Variants in GLDC observed in about 807,000 individuals in gnomAD.
GLDC encodes glycine dehydrogenase (decarboxylating), mitochondrial.
Under a neutral mutation model 121.3 loss-of-function variants are expected in GLDC, and 104 were observed. The ratio of observed to expected loss-of-function variants is 0.86; its 90% confidence interval spans 0.73 to 1.01. The LOEUF is 1.01. Ranked by LOEUF, GLDC falls within the 50% of genes least tolerant of loss-of-function variation. The probability of loss-of-function intolerance (pLI) is 0.00; values close to 1 mark genes in which losing one functional copy is unlikely to be tolerated. For synonymous variants in GLDC, 546 were observed against 480.6 expected (o/e 1.14, Z -1.78); for missense variants, 1,429 against 1,306.6 (o/e 1.09, Z -1.44).
rs1817622928 is a variant in GLDC at position 6,556,052 on chromosome 9, T to C, written c.2202+101A>G. 5.2e-6 allele frequency: 5 copies of C among 957,538 alleles called. No individual in the cohort carries two copies. The Admixed American group carries it at 8.2e-5, about 16-fold the overall frequency. The allele number at this position is 957,538 out of a possible 1,614,324, so 59.3% of individuals were successfully genotyped here. On this transcript the variant is annotated intron_variant, in intron 18 of 24. Transcript: ENST00000321612. ...CCAGTGGTCAGGTCGTGGGTCTGAG[T>C]TCCCTCAGGCAGGAAGCCTCTCAAG...
At chr9:6,644,135 C>T (rs1229017976) in intron 2 of GLDC, among the ~76,000 whole-genome samples, 1 of 148,070 alleles carries the variant, frequency 6.8e-6, no homozygotes, top group African/African-American at 2.5e-5. Flanking sequence ...AAAATTTGGA[C>T]GTGAGGTAAG....
intron 2 of GLDC, among the ~76,000 whole-genome samples, chr9:6,631,709 T>C (rs543395929): frequency 1.3e-5 from 2 of 152,328 alleles, no homozygotes; most frequent in African/African-American, 4.8e-5. Flanking sequence ...AAGGGAAGAC[T>C]GTGTCCTAAG....
chr9:6,548,445 G>T (rs1459566716), intron 21 of GLDC, among the ~76,000 whole-genome samples: 1 of 152,132 alleles, frequency 6.6e-6, no homozygotes, highest in Admixed American at 6.6e-5. Flanking sequence ...ATTTTATTGT[G>T]CTGCTTAGAG....
chr9:6,591,299 C>G (rs1335884018), intron 11 of GLDC, among the ~76,000 whole-genome samples: 1 of 152,182 alleles, frequency 6.6e-6, no homozygotes, highest in Non-Finnish European at 1.5e-5. Context: ...ATAACTCCTG[C>G]TTATCTTCTT....
chr9:6,628,221 C>T (rs1429538475), intron 2 of GLDC, among the ~76,000 whole-genome samples: 1 of 152,174 alleles, frequency 6.6e-6, no homozygotes, highest in Non-Finnish European at 1.5e-5. Flanking sequence ...CCTTCAATCC[C>T]AAAGTGGCAG....
intron 2 of GLDC, among the ~76,000 whole-genome samples, chr9:6,634,951 C>T (rs1028029734): frequency 1.1e-4 from 16 of 152,188 alleles, no homozygotes; most frequent in Non-Finnish European, 2.4e-4. Flanking sequence ...GAAAATAAAT[C>T]CCTTTTGGCT....
At position 6,629,933 on chromosome 9, in the gene GLDC, A is replaced by ATATATATATGTATATATATATG. The variant is rs1563870140; in HGVS notation, c.335-9615_335-9614insCATATATATATACATATATATA. On this transcript the variant is annotated intron_variant, in intron 2 of 24. Coordinates refer to ENST00000321612, the MANE Select transcript of GLDC (RefSeq NM_000170.3). ...GGGAGGGAGGCTTGCTTTTCACTAT[A>ATATATATATGTATATATATATG]TATATATATATGTATATATATATAT... Among the ~76,000 whole-genome samples, 43 of 88,628 alleles carry ATATATATATGTATATATATATG rather than the reference A, an allele frequency of 4.9e-4. 1 individual carries two copies. The highest frequency in any genetic ancestry group is 3.1e-3 in the African/African-American group (40 of 12,810). 58.1% of individuals were successfully genotyped at this position (88,628 alleles called of 152,430 possible). A position where few individuals can be genotyped will look rare whatever the true frequency, so the allele number is the denominator to read the frequency against.
chr9:6,611,561 A>G (rs1818858477), intron 3 of GLDC, among the ~76,000 whole-genome samples: 1 of 152,088 alleles, frequency 6.6e-6, no homozygotes, highest in African/African-American at 2.4e-5. Context: ...GTCTCAAAAA[A>G]AAAAAAAAAA....
chr9:6,614,286 G>C (rs1024191973), intron 3 of GLDC, among the ~76,000 whole-genome samples: 1 of 152,296 alleles, frequency 6.6e-6, no homozygotes, highest in East Asian at 1.9e-4. Context: ...ACAGACTGGA[G>C]TGCAGTGGCC....
intron 6 of GLDC, 94 bp from the exon 7 acceptor site, chr9:6,604,878 CAG>C (rs1005592846): frequency 7.4e-6 from 8 of 1,075,304 alleles, no homozygotes; most frequent in Admixed American, 3.5e-5. Context: ...GGAAGACGGG[CAG>C]AGTGTGTTCA....
intron 2 of GLDC, chr9:6,622,934 A>T (rs1184512665): frequency 2.6e-5 from 5 of 192,944 alleles, no homozygotes; most frequent in Admixed American, 6.0e-5. Flanking sequence ...CCTGGCCGCG[A>T]CCCCGTCTGG....
chr9:6,565,322 G>A (rs1412710667), intron 16 of GLDC, 32 bp downstream of exon 16: 1 of 1,509,922 alleles, frequency 6.6e-7, no homozygotes, highest in East Asian at 2.3e-5. Context: ...TGTGCCCCAT[G>A]GTGAGCAAGC....
At chr9:6,561,680 A>G (rs140039487) in intron 16 of GLDC, among the ~76,000 whole-genome samples, 101 of 152,278 alleles carry the variant, frequency 6.6e-4, no homozygotes, top group East Asian at 3.9e-3. Context: ...TGTGAGGGAT[A>G]TGGAAGTAAC....
chr9:6,620,413 G>A (rs1819067596), intron 2 of GLDC, 94 bp from the exon 3 acceptor site: 3 of 1,071,898 alleles, frequency 2.8e-6, no homozygotes, highest in Non-Finnish European at 4.3e-6. Flanking sequence ...GAGTATTTAT[G>A]ACAGAATAAC....
chr9:6,533,507 T>C (rs538684238), intron 24 of GLDC, among the ~76,000 whole-genome samples: 1 of 152,312 alleles, frequency 6.6e-6, no homozygotes, highest in East Asian at 1.9e-4. Flanking sequence ...ACCTTCTCTT[T>C]TAACATAGGT....
intron 21 of GLDC, among the ~76,000 whole-genome samples, chr9:6,542,800 C>A (rs957087620): frequency 6.9e-6 from 1 of 144,504 alleles, no homozygotes; most frequent in African/African-American, 2.6e-5. Flanking sequence ...GTGGGAGAAT[C>A]ATTTGAGCCC....
intron 2 of GLDC, among the ~76,000 whole-genome samples, chr9:6,624,710 G>A (rs560481810): frequency 6.6e-6 from 1 of 152,248 alleles, no homozygotes; most frequent in East Asian, 1.9e-4. Flanking sequence ...AGGTTGGTGG[G>A]GCACGGTGGC....
intron 2 of GLDC, among the ~76,000 whole-genome samples, chr9:6,632,672 C>T (rs12350222): frequency 0.018 from 2,718 of 152,328 alleles, 78 homozygotes; most frequent in African/African-American, 0.06. Flanking sequence ...TTCTCTAGCA[C>T]GCGCCCCGGT....
chr9:6,627,602 T>C (rs890184225), intron 2 of GLDC, among the ~76,000 whole-genome samples: 2 of 152,148 alleles, frequency 1.3e-5, no homozygotes, highest in Admixed American at 6.5e-5. Context: ...ATACAACAAG[T>C]TAATGGACAT....
Sources: gnomAD v4.1 joint callset for allele counts (sites outside exome capture counted in the v4.1 genomes callset) on GRCh38, gnomAD v4.1.1 for gene constraint, MANE v1.5 for transcripts, NCBI Gene and HGNC (gene_info 2026-07-23, HGNC 2026-07-21) for gene names.